Variants in ATP2A1 observed in about 807,000 individuals in gnomAD.
The protein encoded by ATP2A1 is ATPase sarcoplasmic/endoplasmic reticulum Ca2+ transporting 1.
Under a neutral mutation model 109.5 loss-of-function variants are expected in ATP2A1, and 83 were observed. The ratio of observed to expected loss-of-function variants is 0.76; its 90% confidence interval spans 0.63 to 0.91. ATP2A1 has a LOEUF of 0.91. Among genes scored for constraint, ATP2A1 ranks in the 40% least tolerant of loss-of-function variants. ATP2A1 has a pLI of 0.00. For missense variants in ATP2A1, 1,101 were observed against 1,341.0 expected, an observed-to-expected ratio of 0.82 and a Z score of 2.80; for synonymous variants, 505 against 537.6, an observed-to-expected ratio of 0.94 and a Z score of 0.84.
intron 12 of ATP2A1, among the ~76,000 whole-genome samples, chr16:28,896,643 C>T (rs1422166396): frequency 6.6e-6 from 1 of 151,476 alleles, no homozygotes; most frequent in African/African-American, 2.4e-5. Flanking sequence ...GAACTCTTGA[C>T]CTCGTGATCT....
rs1963516068 is a variant in ATP2A1, at chr16:28,882,517, C to T, written c.391C>T (p.Arg131Trp). ...EYEPEMGKVY[R>W]ADRKSVQRIK... ...TGAGCCAGAGATGGGGAAGGTCTAC[C>T]GGGCTGACCGCAAGTCAGTGCAAAG... The change falls in exon 5 of 23, where the codon CGG (arginine) becomes TGG (tryptophan). Residue 131 changes from arginine (R) to tryptophan (W), a missense_variant. Physicochemically the swap from Arg to Trp is moderately radical, Grantham distance 101. Coordinates refer to ENST00000395503, the MANE Select transcript of ATP2A1 (RefSeq NM_004320.6). The T allele has an allele frequency of 2.5e-6, 4 of 1,614,086 alleles. No homozygotes were observed. The highest frequency in any genetic ancestry group is 2.2e-5 in the East Asian group (1 of 44,886).
intron 3 of ATP2A1, chr16:28,879,877 G>A: frequency 1.7e-6 from 1 of 605,198 alleles, no homozygotes; most frequent in Non-Finnish European, 2.3e-6. Flanking sequence ...CCGAACTCCG[G>A]GCTCCGGGTC....
At chr16:28,882,347 C>T in intron 4 of ATP2A1, 104 bp from the exon 5 acceptor site, 2 of 1,538,280 alleles carry the variant, frequency 1.3e-6, no homozygotes, top group Non-Finnish European at 1.8e-6. Flanking sequence ...CATACACACA[C>T]CCCTGCCTGT....
chr16:28,878,843 AACAC>A, intron 1 of ATP2A1, 54 bp downstream of exon 1: 1 of 1,559,008 alleles, frequency 6.4e-7, no homozygotes, highest in Non-Finnish European at 8.8e-7. Flanking sequence ...GCACCCCCAA[AACAC>A]ACGCACACGC....
At position 28,903,055 on chromosome 16, in the gene ATP2A1, CG is replaced by C; in HGVS notation, c.2772del (p.Met925CysfsTer5). ...CCTGTCCGAGAACCAGTCCCTGCTG[CG>C]GATGCCACCCTGGGTGAACATCTGG... The part of the protein sequence containing the change: ...NSLSENQSLL[R>X]MPPWVNIWLL... On this transcript the variant is annotated frameshift_variant, in exon 20 of 23. Transcript: ENST00000395503. LOFTEE classifies it high-confidence loss of function. This position sits in a 1 kb window ranked among gnomAD's most constrained non-coding sequence, Gnocchi z 5.6. The C allele has an allele frequency of 6.2e-7, 1 of 1,613,848 alleles. No individual in the cohort carries two copies.
At chr16:28,894,684 G>T in intron 11 of ATP2A1, 77 bp downstream of exon 11, 1 of 1,597,842 alleles carries the variant, frequency 6.3e-7, no homozygotes, top group African/African-American at 1.3e-5. Context: ...GTTGGAGGAA[G>T]GGGACCCAGT....
intron 8 of ATP2A1, 22 bp downstream of exon 8, chr16:28,887,744 C>T: frequency 6.2e-7 from 1 of 1,612,610 alleles, no homozygotes; most frequent in Non-Finnish European, 8.5e-7. Flanking sequence ...TTTCTTTTCT[C>T]CTCCCATTTG....
In ATP2A1 at chr16:28,897,983, C is replaced by T. The variant is rs749498433; in HGVS notation, c.1420-17C>T. 8.4e-5 allele frequency: 136 copies of T among 1,613,974 alleles called. No homozygotes were observed. The highest frequency in any genetic ancestry group is 1.1e-4 in the Non-Finnish European group (133 of 1,180,006). On this transcript the variant is annotated splice_polypyrimidine_tract_variant and intron_variant, in intron 12 of 22. Coordinates refer to ENST00000395503, the MANE Select transcript of ATP2A1 (RefSeq NM_004320.6). ...CATTTTAAGAGGACTGGTCTCCCCT[C>T]CCTGTCTCCTCTCCAGGTGATCCGC...
chr16:28,898,031 C>G lies in ATP2A1; in HGVS notation c.1451C>G (p.Thr484Ser). 6.2e-7 allele frequency: 1 copy of G among 1,614,202 alleles called. No individual in the cohort carries two copies. The highest frequency in any genetic ancestry group is 8.5e-7 in the Non-Finnish European group (1 of 1,180,036). Residue 484 changes from threonine to serine, a missense_variant, in exon 13 of 23, where the codon ACC becomes AGC. Coordinates refer to ENST00000395503, the MANE Select transcript of ATP2A1 (RefSeq NM_004320.6). This position sits in a 1 kb window ranked among gnomAD's most constrained non-coding sequence, Gnocchi z 4.0. ...VIRQLMKKEF[T>S]LEFSRDRKSM... ...CGCCAGCTAATGAAGAAGGAATTCA[C>G]CCTGGAGTTCTCCCGAGACAGAAAG...
intron 4 of ATP2A1, among the ~76,000 whole-genome samples, chr16:28,882,078 AG>A (rs1329857617): frequency 7.6e-5 from 11 of 144,424 alleles, no homozygotes; most frequent in Non-Finnish European, 1.3e-4. Flanking sequence ...CTGGGATTAC[AG>A]GCGCGTGCTA....
At chr16:28,889,048 G>A in intron 9 of ATP2A1, 95 bp downstream of exon 9, 1 of 1,540,084 alleles carries the variant, frequency 6.5e-7, no homozygotes, top group Non-Finnish European at 8.9e-7. Flanking sequence ...CATCACTGCT[G>A]GCTTCTCATC....
At position 28,898,457 on chromosome 16, in the gene ATP2A1, C is replaced by G. The variant is rs1043084841; in HGVS notation, c.1764+6C>G. ...CCAGGTTCCTGGAGTATGAGGTAAG[C>G]AGCTGGGAGCCTCCCACTGTCGTGG... is the stretch of plus-strand genomic sequence containing the variant. On this transcript the variant is annotated splice_donor_region_variant and intron_variant, in intron 14 of 22. Coordinates refer to ENST00000395503, the MANE Select transcript of ATP2A1 (RefSeq NM_004320.6). This position sits in a 1 kb window ranked among gnomAD's most constrained non-coding sequence, Gnocchi z 4.0. 15 of 1,556,536 alleles carry G rather than the reference C, an allele frequency of 9.6e-6. No individual in the cohort carries two copies. The highest frequency in any genetic ancestry group is 2.9e-5 in the East Asian group (1 of 34,778).
At chr16:28,894,014 A>G (rs991270300) in intron 9 of ATP2A1, 141 bp from the exon 10 acceptor site, 25 of 695,740 alleles carry the variant, frequency 3.6e-5, no homozygotes, top group Non-Finnish European at 5.4e-5. Flanking sequence ...TGGGTAGGGT[A>G]TACGGGGGGG....
At chr16:28,884,172 A>G (rs1044745503) in intron 5 of ATP2A1, among the ~76,000 whole-genome samples, 2 of 151,640 alleles carry the variant, frequency 1.3e-5, no homozygotes, top group Non-Finnish European at 1.5e-5. Flanking sequence ...CTGTCTCCCA[A>G]TCTCAATTAT....
intron 2 of ATP2A1, 159 bp downstream of exon 2, chr16:28,879,275 T>G: frequency 9.7e-7 from 1 of 1,028,252 alleles, no homozygotes; most frequent in Non-Finnish European, 1.5e-6. Context: ...GGGGCAGAAG[T>G]CTCCCAGGCG....
At position 28,903,473 on chromosome 16, in the gene ATP2A1, C is replaced by T; in HGVS notation, c.2980+33C>T. ...GTGCCCTCTCTGTCCCAAGCCCTGG[C>T]CCCACCACAGCCCCTTCCCCATGAC... On this transcript the variant is annotated intron_variant, in intron 21 of 22. Coordinates refer to ENST00000395503, the MANE Select transcript of ATP2A1 (RefSeq NM_004320.6). This position sits in a 1 kb window ranked among gnomAD's most constrained non-coding sequence, Gnocchi z 5.6. 1 of 1,573,136 alleles carries T rather than the reference C, an allele frequency of 6.4e-7. No individual in the cohort carries two copies. Among genetic ancestry groups the T allele is most frequent in the Non-Finnish European group, 8.7e-7 (1 of 1,143,668 alleles).
At chr16:28,894,130 G>A in intron 9 of ATP2A1, 25 bp from the exon 10 acceptor site, 1 of 1,606,074 alleles carries the variant, frequency 6.2e-7, no homozygotes, top group Non-Finnish European at 8.5e-7. Flanking sequence ...GTGGACATCT[G>A]TGTGCCTGCC....
chr16:28,900,584 G>A lies in ATP2A1; in HGVS notation c.1768G>A (p.Asp590Asn), dbSNP rs1015749559. The change falls in exon 15 of 23, where the codon GAC becomes AAC. Residue 590 changes from aspartate to asparagine, a missense_variant. By Grantham distance (23) the Asp-to-Asn change is conservative. Coordinates refer to ENST00000395503, the MANE Select transcript of ATP2A1 (RefSeq NM_004320.6). ...GCTCTCTGCTGTATCTCCCCAGACGGACCTGACATTCGTGGGTGTAGTGGG... is the reference window on the plus strand; with the variant it reads ...GCTCTCTGCTGTATCTCCCCAGACGAACCTGACATTCGTGGGTGTAGTGGG... Reference protein sequence around the residue: ...DSARFLEYETDLTFVGVVGML... With the variant: ...DSARFLEYETNLTFVGVVGML... 1.3e-6 allele frequency: 2 copies of A among 1,562,658 alleles called. No individual in the cohort carries two copies. The highest frequency in any genetic ancestry group is 1.7e-6 in the Non-Finnish European group (2 of 1,151,070).
Position 28,903,156 on chromosome 16 carries a change from T to G in ATP2A1, c.2862+9T>G, listed in dbSNP as rs1555517403. Reference sequence around the variant, plus strand: ...ATGTTGACCCCCTGCCGGTGAGGTTTCTTCCGCCCAGGGCCGCCCACCCCA... The same window carrying G: ...ATGTTGACCCCCTGCCGGTGAGGTTGCTTCCGCCCAGGGCCGCCCACCCCA... On this transcript the variant is annotated intron_variant, in intron 20 of 22. Coordinates refer to ENST00000395503, the MANE Select transcript of ATP2A1 (RefSeq NM_004320.6). The surrounding 1 kb of genome is among the most constrained non-coding windows in gnomAD (Gnocchi z 5.6). The G allele has an allele frequency of 1.2e-6, 2 of 1,612,954 alleles. No individual in the cohort carries two copies. The highest frequency in any genetic ancestry group is 8.5e-7 in the Non-Finnish European group (1 of 1,179,600).
Sources: allele counts gnomAD v4.1 joint callset (sites outside exome capture counted in the v4.1 genomes callset), GRCh38; gene constraint gnomAD v4.1.1; non-coding constraint Gnocchi (gnomAD v3.1); transcripts MANE v1.5; gene names NCBI Gene and HGNC (gene_info 2026-07-23, HGNC 2026-07-21).